ENOX2: variants seen among roughly 807,000 people sequenced by gnomAD.
ENOX2 encodes ecto-NOX disulfide-thiol exchanger 2.
ENOX2 carries 36 observed loss-of-function variants against 45.0 expected under a neutral mutation model. The ratio of observed to expected loss-of-function variants is 0.80; its 90% CI spans 0.61 to 1.06. The LOEUF (loss-of-function observed/expected upper bound fraction) is 1.06, where lower values mean the gene tolerates loss of function less well. Ranked by LOEUF, ENOX2 falls within the 50% of genes least tolerant of loss-of-function variation. ENOX2 has a pLI of 0.00. For missense variants in ENOX2, 423 were observed against 462.5 expected (o/e 0.91, Z 0.78); for synonymous variants, 174 against 152.3 (o/e 1.14, Z -1.05).
At chrX:130,802,065 CT>C (rs1372941797) in intron 2 of ENOX2, among the ~76,000 whole-genome samples, 1 of 111,995 alleles carries the variant, frequency 8.9e-6, no homozygotes, top group Non-Finnish European at 1.9e-5. Context: ...CTGGCTCCCC[CT>C]GCCGCCCACA....
In ENOX2 at chrX:130,727,309, G is replaced by T. The variant is rs185484877; in HGVS notation, c.-38-24055C>A. 2.7e-5 allele frequency among the ~76,000 whole-genome samples: 3 copies of T among 112,089 alleles called. No individual in the cohort carries two copies. The East Asian group carries it at 8.4e-4, about 31-fold the overall frequency. ...GGCTTCAGAAATAGTAAAAGATGGG[G>T]TCAAGATTTGAAGTCAGATTTCTTT... On this transcript the variant is annotated intron_variant, in intron 3 of 14. Transcript: ENST00000394363.
intron 3 of ENOX2, among the ~76,000 whole-genome samples, chrX:130,716,279 C>T (rs1182470615): frequency 8.9e-6 from 1 of 112,244 alleles, no homozygotes. Context: ...TTGTATTCTT[C>T]TCATCTGATT....
intron 3 of ENOX2, among the ~76,000 whole-genome samples, chrX:130,722,135 G>T (rs1002133837): frequency 9.0e-6 from 1 of 111,716 alleles, no homozygotes; most frequent in African/African-American, 3.3e-5. Context: ...TTGGTCAAAG[G>T]GGGTGAGCTG....
chrX:130,897,714 A>G (rs1023339671), intron 2 of ENOX2, among the ~76,000 whole-genome samples: 2 of 112,327 alleles, frequency 1.8e-5, no homozygotes, highest in South Asian at 7.4e-4. Context: ...GGAAAACCTA[A>G]TACTAGAGGA....
intron 3 of ENOX2, among the ~76,000 whole-genome samples, chrX:130,746,891 G>C (rs1342522274): frequency 8.9e-6 from 1 of 112,511 alleles, no homozygotes; most frequent in Non-Finnish European, 1.9e-5. Flanking sequence ...TAACAGGACA[G>C]CTATGTGCAA....
chrX:130,891,323 A>G (rs1364444315), intron 2 of ENOX2, among the ~76,000 whole-genome samples: 3 of 109,177 alleles, frequency 2.7e-5, no homozygotes, highest in African/African-American at 1.0e-4. Flanking sequence ...TGTTTCAGGA[A>G]TAGTTTGTTT....
rs1318299151 is a variant in ENOX2 at position 130,790,312 on chromosome X, A to T, written c.-182-6622T>A. On this transcript the variant is annotated intron_variant, in intron 2 of 14. Coordinates refer to ENST00000394363, the MANE Select transcript of ENOX2 (RefSeq NM_006375.4). Reference sequence around the variant, plus strand: ...GGATACAGGTCATAGACCAATTTTCATTGGCAGTGATCCTTCAGCAACTTT... The same window carrying T: ...GGATACAGGTCATAGACCAATTTTCTTTGGCAGTGATCCTTCAGCAACTTT... Among the ~76,000 whole-genome samples the T allele has an allele frequency of 3.6e-5, 4 of 111,661 alleles. 1 individual carries two copies. The highest frequency in any genetic ancestry group is 7.5e-5 in the Non-Finnish European group (4 of 53,135).
chrX:130,743,504 C>A (rs953973645), intron 3 of ENOX2, among the ~76,000 whole-genome samples: 1 of 108,024 alleles, frequency 9.3e-6, no homozygotes, highest in Non-Finnish European at 1.9e-5. Flanking sequence ...AAGAGTCTCA[C>A]TCTGTCACCC....
intron 9 of ENOX2, among the ~76,000 whole-genome samples, chrX:130,661,001 C>A (rs2036673490): frequency 9.0e-6 from 1 of 111,723 alleles, no homozygotes; most frequent in South Asian, 3.7e-4. Context: ...CACTTCTGTG[C>A]CAGCTGACAT....
At chrX:130,812,408 T>C (rs1210102817) in intron 2 of ENOX2, among the ~76,000 whole-genome samples, 1 of 111,838 alleles carries the variant, frequency 8.9e-6, no homozygotes, top group Non-Finnish European at 1.9e-5. Context: ...AGCAGCATAA[T>C]ATATTTAAAG....
chrX:130,682,770 A>G (rs2037345975), intron 5 of ENOX2, among the ~76,000 whole-genome samples: 1 of 110,678 alleles, frequency 9.0e-6, no homozygotes, highest in African/African-American at 3.3e-5. Flanking sequence ...AGCCTCTTTA[A>G]TAGCATTTGC....
chrX:130,819,680 C>T (rs1051661362), intron 2 of ENOX2, among the ~76,000 whole-genome samples: 6 of 110,988 alleles, frequency 5.4e-5, no homozygotes, highest in Non-Finnish European at 1.1e-4. Flanking sequence ...ACAATGAGAA[C>T]ACATGGACAC....
chrX:130,664,174 T>C (rs1208562388), intron 9 of ENOX2, among the ~76,000 whole-genome samples: 1 of 112,477 alleles, frequency 8.9e-6, no homozygotes, highest in African/African-American at 3.2e-5. Context: ...CCAGAATTGA[T>C]GGCTCAGATA....
intron 2 of ENOX2, among the ~76,000 whole-genome samples, chrX:130,855,447 C>T (rs186548437): frequency 1.8e-5 from 2 of 111,452 alleles, no homozygotes; most frequent in Middle Eastern, 4.7e-3. Context: ...CATCAATAAA[C>T]GGAGACACAT....
chrX:130,626,406 AG>A (rs2035547892), intron 14 of ENOX2, among the ~76,000 whole-genome samples: 1 of 112,371 alleles, frequency 8.9e-6, no homozygotes, highest in Non-Finnish European at 1.9e-5. Context: ...CTTGCAGGAA[AG>A]GGTCTGAAAT....
At chrX:130,794,137 A>G (rs989014948) in intron 2 of ENOX2, among the ~76,000 whole-genome samples, 2 of 111,871 alleles carry the variant, frequency 1.8e-5, no homozygotes, top group African/African-American at 6.5e-5. Context: ...ATTCCTGTTG[A>G]CCAATTTTCC....
At chrX:130,676,700 G>A (rs2037161523) in intron 6 of ENOX2, among the ~76,000 whole-genome samples, 1 of 111,152 alleles carries the variant, frequency 9.0e-6, no homozygotes, top group African/African-American at 3.3e-5. Flanking sequence ...CTTACCAAAT[G>A]TAAAAAGAGT....
At chrX:130,862,223 T>C (rs1044676547) in intron 2 of ENOX2, among the ~76,000 whole-genome samples, 1 of 111,299 alleles carries the variant, frequency 9.0e-6, no homozygotes, top group African/African-American at 3.3e-5. Context: ...GTTCATTCAC[T>C]CTGCTCTAGT....
intron 6 of ENOX2, among the ~76,000 whole-genome samples, chrX:130,677,187 C>T (rs1267893466): frequency 2.7e-5 from 3 of 112,077 alleles, no homozygotes; most frequent in South Asian, 3.8e-4. Flanking sequence ...GAAATATTCT[C>T]GTTCTCCCTC....
Sources: gnomAD v4.1 joint callset for allele counts (sites outside exome capture counted in the v4.1 genomes callset) on GRCh38, gnomAD v4.1.1 for gene constraint, MANE v1.5 for transcripts, NCBI Gene and HGNC (gene_info 2026-07-23, HGNC 2026-07-21) for gene names.